The following CDKAL1 variants were observed in gnomAD, a reference collection of about 807,000 sequenced individuals.
CDKAL1 encodes the protein CDKAL1 threonylcarbamoyladenosine tRNA methylthiotransferase, also known as threonylcarbamoyladenosine tRNA methylthiotransferase.
In CDKAL1, 32 loss-of-function variants were observed where a neutral mutation model predicts 68.2. The ratio of observed to expected loss-of-function variants is 0.47; its 90% CI spans 0.35 to 0.63. The LOEUF (loss-of-function observed/expected upper bound fraction) is 0.63, where lower values mean the gene tolerates loss of function less well. Among genes scored for constraint, CDKAL1 ranks in the 30% least tolerant of loss-of-function variants. The pLI is 0.00. For missense variants in CDKAL1, 606 were observed against 696.7 expected, an observed-to-expected ratio of 0.87 and a Z score of 1.47; for synonymous variants, 234 against 244.3, an observed-to-expected ratio of 0.96 and a Z score of 0.39.
intron 4 of CDKAL1, among the ~76,000 whole-genome samples, chr6:20,581,128 G>A (rs1269274657): frequency 2.6e-5 from 4 of 152,244 alleles, no homozygotes; most frequent in African/African-American, 9.6e-5. Flanking sequence ...GAGAAGCCCC[G>A]ATATTTTTGT....
At chr6:20,839,807 G>T (rs1778103672) in intron 8 of CDKAL1, among the ~76,000 whole-genome samples, 1 of 152,004 alleles carries the variant, frequency 6.6e-6, no homozygotes, top group South Asian at 2.1e-4. Context: ...TTTCTGCCTA[G>T]CACTCCTCCT....
intron 5 of CDKAL1, among the ~76,000 whole-genome samples, chr6:20,698,600 T>C (rs895306836): frequency 1.2e-4 from 18 of 152,208 alleles, no homozygotes; most frequent in African/African-American, 4.3e-4. Flanking sequence ...TTGGGTTTGT[T>C]TGATAATTTT....
intron 8 of CDKAL1, among the ~76,000 whole-genome samples, chr6:20,822,665 T>C (rs1777336121): frequency 6.6e-6 from 1 of 152,102 alleles, no homozygotes; most frequent in Non-Finnish European, 1.5e-5. Context: ...GAGGATGGTT[T>C]CCCCAATGTT....
intron 8 of CDKAL1, among the ~76,000 whole-genome samples, chr6:20,801,369 G>A (rs1776357114): frequency 6.6e-6 from 1 of 152,110 alleles, no homozygotes; most frequent in African/African-American, 2.4e-5. Flanking sequence ...ATTTCAAATG[G>A]ACAGCAAAGT....
At chr6:21,036,611 T>C (rs1050132129) in intron 11 of CDKAL1, among the ~76,000 whole-genome samples, 1 of 152,208 alleles carries the variant, frequency 6.6e-6, no homozygotes, top group Non-Finnish European at 1.5e-5. Context: ...TTAATTTACT[T>C]AAGTCTTTTT....
chr6:20,591,790 T>C (rs1765603057), intron 4 of CDKAL1, among the ~76,000 whole-genome samples: 1 of 152,202 alleles, frequency 6.6e-6, no homozygotes, highest in South Asian at 2.1e-4. Context: ...TAGTATTGTT[T>C]GAAGTCAGGT....
chr6:21,178,556 A>G (rs1777673030), intron 13 of CDKAL1, among the ~76,000 whole-genome samples: 1 of 152,202 alleles, frequency 6.6e-6, no homozygotes, highest in Non-Finnish European at 1.5e-5. Context: ...CTTACTTGGA[A>G]AAAAGAGAGG....
chr6:20,962,834 C>T (rs1765118110), intron 10 of CDKAL1, among the ~76,000 whole-genome samples: 1 of 152,056 alleles, frequency 6.6e-6, no homozygotes, highest in Non-Finnish European at 1.5e-5. Flanking sequence ...TTCAACCATC[C>T]ACCTGTAGCT....
At chr6:20,722,409 C>A in intron 5 of CDKAL1, 1 of 245,378 alleles carries the variant, frequency 4.1e-6, no homozygotes, top group South Asian at 5.9e-5. Context: ...GCAGCATTCT[C>A]TTAGATTTGC....
chr6:20,869,255 A>T (rs149362781), intron 9 of CDKAL1, among the ~76,000 whole-genome samples: 101 of 152,358 alleles, frequency 6.6e-4, no homozygotes, highest in East Asian at 5.8e-3. Context: ...AACTGTCCCT[A>T]GTAACATTCA....
chr6:21,079,884 T>C (rs1772283204), intron 12 of CDKAL1, among the ~76,000 whole-genome samples: 1 of 152,094 alleles, frequency 6.6e-6, no homozygotes, highest in Non-Finnish European at 1.5e-5. Flanking sequence ...TACTTGCCAG[T>C]TACAGGATTG....
At chr6:20,775,390 AAAC>A (rs1368642045) in intron 7 of CDKAL1, among the ~76,000 whole-genome samples, 11 of 152,242 alleles carry the variant, frequency 7.2e-5, no homozygotes, top group Admixed American at 7.2e-4. Flanking sequence ...GTCACAAAAC[AAAC>A]CAGTGCTCAG....
chr6:20,648,641 T>C (rs1030125402), intron 4 of CDKAL1, among the ~76,000 whole-genome samples: 1 of 152,226 alleles, frequency 6.6e-6, no homozygotes, highest in Admixed American at 6.5e-5. Flanking sequence ...TTTCCTTTCT[T>C]TATGGTAATC....
intron 15 of CDKAL1, 85 bp downstream of exon 15, chr6:21,201,359 T>C (rs1372236147): frequency 4.2e-6 from 5 of 1,196,744 alleles, no homozygotes; most frequent in Non-Finnish European, 5.9e-6. Context: ...GTTTCTGTTA[T>C]CATTTATAGT....
chr6:20,815,822 A>G (rs2150431476), intron 8 of CDKAL1, among the ~76,000 whole-genome samples: 1 of 152,262 alleles, frequency 6.6e-6, no homozygotes, highest in Middle Eastern at 3.4e-3. Context: ...TTTTAACACA[A>G]CTGAGATCAG....
At chr6:21,075,678 T>C (rs1010543771) in intron 12 of CDKAL1, among the ~76,000 whole-genome samples, 7 of 152,224 alleles carry the variant, frequency 4.6e-5, no homozygotes, top group Non-Finnish European at 8.8e-5. Context: ...TGCAAGTTCA[T>C]ATTTTCTGTT....
intron 11 of CDKAL1, among the ~76,000 whole-genome samples, chr6:21,007,617 C>T (rs939017928): frequency 3.3e-5 from 5 of 151,030 alleles, no homozygotes; most frequent in African/African-American, 7.3e-5. Context: ...CTATTTTTAT[C>T]GGTTATGTGT....
At chr6:20,596,965 G>T (rs1021434035) in intron 4 of CDKAL1, among the ~76,000 whole-genome samples, 4 of 152,156 alleles carry the variant, frequency 2.6e-5, no homozygotes, top group Non-Finnish European at 5.9e-5. Flanking sequence ...CCCCCCATGG[G>T]CTGCCCCCAC....
chr6:21,160,517 C>T (rs1411146486), intron 13 of CDKAL1, among the ~76,000 whole-genome samples: 10 of 149,904 alleles, frequency 6.7e-5, no homozygotes, highest in African/African-American at 2.2e-4. Flanking sequence ...AGGCTGGTCT[C>T]GAACTTCTGA....
Sources: allele counts gnomAD v4.1 joint callset (sites outside exome capture counted in the v4.1 genomes callset), GRCh38; gene constraint gnomAD v4.1.1; transcripts MANE v1.5; gene names NCBI Gene and HGNC (gene_info 2026-07-23, HGNC 2026-07-21).